PER3: variants seen among roughly 807,000 people sequenced by gnomAD.
PER3 encodes the protein period circadian regulator 3, also known as period circadian protein homolog 3.
A neutral mutation model predicts 127.2 loss-of-function variants in PER3; 107 were observed. The ratio of observed to expected loss-of-function variants is 0.84; its 90% CI spans 0.72 to 0.99. PER3 has a LOEUF of 0.99. PER3 is among the 50% of genes least tolerant of loss of function. PER3 has a pLI of 0.00. For synonymous variants in PER3, 618 were observed against 585.8 expected (o/e 1.05, Z -0.79); for missense variants, 1,560 against 1,525.8 (o/e 1.02, Z -0.37).
intron 6 of PER3, among the ~76,000 whole-genome samples, chr1:7,796,471 G>A (rs1003389971): frequency 8.6e-5 from 13 of 151,724 alleles, no homozygotes; most frequent in Non-Finnish European, 1.2e-4. Flanking sequence ...GGCATGCACC[G>A]CCACAGCTAA....
chr1:7,824,369 C>T (rs1386103240), intron 16 of PER3, among the ~76,000 whole-genome samples: 1 of 152,170 alleles, frequency 6.6e-6, no homozygotes, highest in Non-Finnish European at 1.5e-5. Context: ...ACTCCTTATA[C>T]CAGTACAGAG....
Position 7,786,801 on chromosome 1 carries a change from G to A in PER3, c.355G>A (p.Ala119Thr). Residue 119 changes from alanine to threonine, a missense_variant, in exon 4 of 22, where the codon GCC (alanine) becomes ACC (threonine). Physicochemically the swap from Ala to Thr is moderately conservative, Grantham distance 58. Coordinates refer to ENST00000377532, the MANE Select transcript of PER3 (RefSeq NM_001377275.1). ...GAGCATGTACAGTCTTGAGGAGCTG[G>A]CCACTATCGCTTCAGAACACACTTC... is the stretch of plus-strand genomic sequence containing the variant. ...DVSMYSLEEL[A>T]TIASEHTSKN... 1 of 1,608,722 alleles carries A rather than the reference G, an allele frequency of 6.2e-7. No individual in the cohort carries two copies. Among genetic ancestry groups the A allele is most frequent in the Non-Finnish European group, 8.5e-7 (1 of 1,175,040 alleles).
intron 19 of PER3, among the ~76,000 whole-genome samples, chr1:7,831,793 T>G (rs1471299874): frequency 1.3e-5 from 2 of 152,272 alleles, no homozygotes; most frequent in African/African-American, 4.8e-5. Flanking sequence ...CTTCCTAATA[T>G]TTTGTTACGC....
chr1:7,812,408 C>T (rs1045471969), intron 13 of PER3, among the ~76,000 whole-genome samples: 14 of 151,724 alleles, frequency 9.2e-5, no homozygotes, highest in Admixed American at 3.3e-4. Flanking sequence ...GGGCAGATCA[C>T]GAGGTCAGGA....
chr1:7,820,310 CTTATATTG>C lies in PER3; in HGVS notation c.1783+77_1783+84del. 2.0e-6 allele frequency: 3 copies of C among 1,513,756 alleles called. No homozygotes were observed. The South Asian group carries it at 3.7e-5, about 18-fold the overall frequency. 93.8% of individuals were successfully genotyped at this position (1,513,756 alleles called of 1,614,324 possible). On this transcript the variant is annotated intron_variant, in intron 15 of 21. Coordinates refer to ENST00000377532, the MANE Select transcript of PER3 (RefSeq NM_001377275.1). ...CATCCTTCTTGTTTCTCTTTAATGT[CTTATATTG>C]TTATAAGCATAAAATTCTGGTTTCA...
At chr1:7,842,436 G>T (rs1029109988) in intron 21 of PER3, among the ~76,000 whole-genome samples, 3 of 151,874 alleles carry the variant, frequency 2.0e-5, no homozygotes, top group African/African-American at 2.4e-5. Flanking sequence ...GGAGGCGGAG[G>T]TTGCAGTGAG....
chr1:7,803,202 T>G (rs1408772663), intron 9 of PER3, 49 bp downstream of exon 9: 3 of 1,143,384 alleles, frequency 2.6e-6, no homozygotes, highest in East Asian at 2.3e-5. Context: ...CTCATTGATT[T>G]GTTCTAATTT....
rs1272329473 is a variant in PER3 at position 7,826,796 on chromosome 1, A to G, written c.2188+86A>G. The G allele has an allele frequency of 3.8e-6, 3 of 791,338 alleles. No individual in the cohort carries two copies. Among genetic ancestry groups the G allele is most frequent in the Non-Finnish European group, 4.2e-6 (2 of 473,784 alleles). 49.0% of individuals were successfully genotyped at this position (791,338 alleles called of 1,614,324 possible). A position where few individuals can be genotyped will look rare whatever the true frequency, so the allele number is the denominator to read the frequency against. On this transcript the variant is annotated intron_variant, in intron 17 of 21. Coordinates refer to ENST00000377532, the MANE Select transcript of PER3 (RefSeq NM_001377275.1). This position sits in a 1 kb window ranked among gnomAD's most constrained non-coding sequence, Gnocchi z 4.2. The stretch of plus-strand genomic sequence containing the variant: ...AGGACTAGGAGATAAGGAGTGAACA[A>G]TAGGAGTTTTACTTGTAAGAAACTG...
intron 13 of PER3, among the ~76,000 whole-genome samples, chr1:7,817,545 G>C (rs1387268494): frequency 6.6e-6 from 1 of 152,184 alleles, no homozygotes; most frequent in African/African-American, 2.4e-5. Flanking sequence ...CTTTATACTA[G>C]GGTTGAACAA....
chr1:7,831,207 T>G (rs1242467149), intron 19 of PER3, among the ~76,000 whole-genome samples: 1 of 152,244 alleles, frequency 6.6e-6, no homozygotes, highest in Non-Finnish European at 1.5e-5. Flanking sequence ...AAGGATTTTA[T>G]AATTGTTGAT....
At chr1:7,822,869 G>T (rs1458395809) in intron 16 of PER3, among the ~76,000 whole-genome samples, 1 of 151,926 alleles carries the variant, frequency 6.6e-6, no homozygotes, top group East Asian at 1.9e-4. Flanking sequence ...GACCAGCCTG[G>T]GCAATACAGT....
Position 7,827,317 on chromosome 1 carries a change from C to G in PER3, c.2388C>G (p.Ala796=). 1 of 1,613,738 alleles carries G rather than the reference C, an allele frequency of 6.2e-7. No homozygotes were observed. Among genetic ancestry groups the G allele is most frequent in the Non-Finnish European group, 8.5e-7 (1 of 1,179,842 alleles). ...CCTCGAGCCCGACCTTCCCACCTGCCGCCATGGTGCCCAGCCAGGCCCCTT... is the reference window on the plus strand; with the variant it reads ...CCTCGAGCCCGACCTTCCCACCTGCGGCCATGGTGCCCAGCCAGGCCCCTT... The part of the protein sequence containing the change: ...PHTSSPTFPP[A]AMVPSQAPYL... The change falls in exon 18 of 22, where the codon GCC becomes GCG. Residue 796 remains alanine (A), a synonymous_variant. Coordinates refer to ENST00000377532, the MANE Select transcript of PER3 (RefSeq NM_001377275.1).
At chr1:7,839,903 T>C (rs1009887272) in intron 21 of PER3, among the ~76,000 whole-genome samples, 6 of 152,122 alleles carry the variant, frequency 3.9e-5, no homozygotes, top group Non-Finnish European at 8.8e-5. Flanking sequence ...TCTTGGACTT[T>C]TACATTCATG....
chr1:7,790,003 G>T (rs1348230290), intron 5 of PER3, among the ~76,000 whole-genome samples: 1 of 152,100 alleles, frequency 6.6e-6, no homozygotes, highest in African/African-American at 2.4e-5. Context: ...TAATAATCAC[G>T]TGGGTCAAGA....
chr1:7,804,500 A>T (rs910387371), intron 10 of PER3, among the ~76,000 whole-genome samples: 3 of 150,816 alleles, frequency 2.0e-5, no homozygotes, highest in Admixed American at 1.3e-4. Context: ...CCCCTGGCTC[A>T]GGTGATCCTC....
At chr1:7,791,977 C>T (rs186561694) in intron 5 of PER3, among the ~76,000 whole-genome samples, 1 of 152,328 alleles carries the variant, frequency 6.6e-6, no homozygotes. Flanking sequence ...TTCTTCTAAG[C>T]CCTCCAAACT....
intron 5 of PER3, among the ~76,000 whole-genome samples, chr1:7,788,870 C>T (rs2097104609): frequency 6.6e-6 from 1 of 150,574 alleles, no homozygotes; most frequent in African/African-American, 2.5e-5. Flanking sequence ...CACCATTGCA[C>T]TCCAGCCTGG....
chr1:7,809,420 A>C (rs1308655092), intron 11 of PER3, among the ~76,000 whole-genome samples: 1 of 152,200 alleles, frequency 6.6e-6, no homozygotes, highest in African/African-American at 2.4e-5. Context: ...GTTTTCTACA[A>C]GAGATTCAAT....
At chr1:7,825,766 C>T (rs2097298572) in intron 16 of PER3, among the ~76,000 whole-genome samples, 1 of 152,040 alleles carries the variant, frequency 6.6e-6, no homozygotes, top group Non-Finnish European at 1.5e-5. Flanking sequence ...TGGCACATGC[C>T]TGTAATTCCA....
Sources: allele counts gnomAD v4.1 joint callset (sites outside exome capture counted in the v4.1 genomes callset), GRCh38; gene constraint gnomAD v4.1.1; non-coding constraint Gnocchi (gnomAD v3.1); transcripts MANE v1.5; gene names NCBI Gene and HGNC (gene_info 2026-07-23, HGNC 2026-07-21).